The following PCSK5 variants were observed in gnomAD, a reference collection of about 807,000 sequenced individuals.
PCSK5 encodes the protein proprotein convertase subtilisin/kexin type 5, also known as prohormone convertase 5.
A neutral mutation model predicts 233.2 loss-of-function variants in PCSK5; 129 were observed. That is an observed-to-expected ratio of 0.55 (90% CI 0.48 to 0.64). The LOEUF is 0.64. PCSK5 is among the 30% of genes least tolerant of loss of function. The pLI, the probability that PCSK5 is intolerant of heterozygous loss-of-function variation, is 0.00. For missense variants in PCSK5, 2,076 were observed against 2,430.1 expected, an observed-to-expected ratio of 0.85 and a Z score of 3.06; for synonymous variants, 825 against 879.2, an observed-to-expected ratio of 0.94 and a Z score of 1.09.
chr9:76,358,255 C>T (rs1236994665), intron 37 of PCSK5, among the ~76,000 whole-genome samples: 1 of 152,042 alleles, frequency 6.6e-6, no homozygotes, highest in African/African-American at 2.4e-5. Context: ...TCTGTAATCC[C>T]AGCACTCTGG....
At chr9:75,959,670 T>A (rs1825256105) in intron 2 of PCSK5, among the ~76,000 whole-genome samples, 1 of 152,198 alleles carries the variant, frequency 6.6e-6, no homozygotes, top group Admixed American at 6.5e-5. Context: ...GGGCCGACTC[T>A]GTGGCCACGG....
chr9:76,240,631 C>A lies in PCSK5; in HGVS notation c.3089C>A (p.Pro1030Gln). The A allele has an allele frequency of 6.3e-7, 1 of 1,576,638 alleles. No homozygotes were observed. Among genetic ancestry groups the A allele is most frequent in the Non-Finnish European group, 8.6e-7 (1 of 1,159,298 alleles). ...GTCTGTGTAGGTGAAGTCCAAGACCCAGACTATGAAGAATGTGTCCCTTGT... is the reference window on the plus strand; with the variant it reads ...GTCTGTGTAGGTGAAGTCCAAGACCAAGACTATGAAGAATGTGTCCCTTGT... ...LECGQGEVQD[P>Q]DYEECVPCEE... is the part of the protein sequence containing the mutation. The change falls in exon 24 of 38, where the codon CCA (proline) becomes CAA (glutamine). Residue 1030 changes from proline to glutamine, a missense_variant. Physicochemically the swap from Pro to Gln is moderately conservative, Grantham distance 76. Around this residue, in one of 6 missense-constraint regions of PCSK5, gnomAD observed 1,510 missense variants for 1,538.1 expected, o/e 0.98. Coordinates refer to ENST00000674117, the MANE Select transcript of PCSK5 (RefSeq NM_001372043.1).
At chr9:76,247,840 A>G (rs1401565729) in intron 24 of PCSK5, among the ~76,000 whole-genome samples, 1 of 151,592 alleles carries the variant, frequency 6.6e-6, no homozygotes, top group Non-Finnish European at 1.5e-5. Context: ...GCTGGAGTGC[A>G]ACGGCGTGAT....
chr9:76,046,239 G>A (rs1189103804), intron 5 of PCSK5, among the ~76,000 whole-genome samples: 2 of 120,336 alleles, frequency 1.7e-5, no homozygotes, highest in Non-Finnish European at 3.2e-5. Flanking sequence ...ATGCAGTGGT[G>A]CAATCCCGGC....
chr9:75,938,577 T>C (rs1374994319), intron 2 of PCSK5, among the ~76,000 whole-genome samples: 1 of 152,236 alleles, frequency 6.6e-6, no homozygotes, highest in Non-Finnish European at 1.5e-5. Context: ...GATACAGGAT[T>C]GCCACAAATC....
At position 76,107,283 on chromosome 9, in the gene PCSK5, C is replaced by T; in HGVS notation, c.1140C>T (p.Asp380=). ...CAGATCTGAGGCAGCGTTGCACGGA[C>T]AACCACACTGGGACGTCAGCCTCAG... The part of the protein sequence containing the change: ...ITTDLRQRCT[D]NHTGTSASAP... Residue 380 remains aspartate, a synonymous_variant, in exon 9 of 38, where the codon GAC becomes GAT. Transcript: ENST00000674117. 3.7e-6 allele frequency: 6 copies of T among 1,613,874 alleles called. No individual in the cohort carries two copies. Among genetic ancestry groups the T allele is most frequent in the Non-Finnish European group, 5.1e-6 (6 of 1,179,854 alleles).
chr9:76,199,766 A>G (rs1824847120), intron 20 of PCSK5, among the ~76,000 whole-genome samples: 1 of 152,108 alleles, frequency 6.6e-6, no homozygotes, highest in Non-Finnish European at 1.5e-5. Context: ...CTATATGCTG[A>G]TGACTCTTAA....
At chr9:76,010,078 T>C (rs572604884) in intron 3 of PCSK5, among the ~76,000 whole-genome samples, 19 of 152,290 alleles carry the variant, frequency 1.2e-4, no homozygotes, top group African/African-American at 4.6e-4. Context: ...GAAAGCCTTT[T>C]GTGATGTCTT....
At chr9:76,166,187 G>A (rs1823079061) in intron 12 of PCSK5, among the ~76,000 whole-genome samples, 1 of 152,112 alleles carries the variant, frequency 6.6e-6, no homozygotes, top group Non-Finnish European at 1.5e-5. Flanking sequence ...AGCAAAATGT[G>A]ATGGTTGTGT....
chr9:76,064,819 C>G (rs145640854), intron 5 of PCSK5, among the ~76,000 whole-genome samples: 94 of 151,990 alleles, frequency 6.2e-4, no homozygotes, highest in African/African-American at 1.8e-3. Flanking sequence ...GATGGGCGGC[C>G]GGGCAGAGAC....
At chr9:76,188,510 T>C (rs1587735001) in intron 17 of PCSK5, 68 bp from the exon 18 acceptor site, 1 of 954,614 alleles carries the variant, frequency 1.0e-6, no homozygotes, top group Non-Finnish European at 1.7e-6. Context: ...CATATGGAGT[T>C]TGGGGAGTCA....
intron 30 of PCSK5, among the ~76,000 whole-genome samples, chr9:76,319,178 T>C (rs980209776): frequency 1.7e-4 from 26 of 152,000 alleles, no homozygotes; most frequent in African/African-American, 6.0e-4. Context: ...AAGATGTACA[T>C]TGTAGGCCGG....
intron 1 of PCSK5, among the ~76,000 whole-genome samples, chr9:75,930,630 A>G (rs1004507413): frequency 1.3e-5 from 2 of 152,202 alleles, no homozygotes; most frequent in Non-Finnish European, 2.9e-5. Context: ...CCAGATTTGT[A>G]TTTTGAAAGC....
Position 76,308,725 on chromosome 9 carries a change from A to G in PCSK5, c.3685A>G (p.Lys1229Glu), listed in dbSNP as rs772837206. The change falls in exon 29 of 38, where the codon AAA (lysine) becomes GAA (glutamate). Residue 1229 changes from lysine (K) to glutamate (E), a missense_variant. Around this residue, in one of 6 missense-constraint regions of PCSK5, gnomAD observed 1,510 missense variants for 1,538.1 expected, o/e 0.98. Coordinates refer to ENST00000674117, the MANE Select transcript of PCSK5 (RefSeq NM_001372043.1). ...GSATLCTSCP[K>E]GAYLLAQACV... is the part of the protein sequence containing the mutation. Reference sequence around the variant, plus strand: ...TGCAACTCTGTGCACTTCATGTCCCAAAGGTTAGTGTGTTGCGTGACAGAA... The same window carrying G: ...TGCAACTCTGTGCACTTCATGTCCCGAAGGTTAGTGTGTTGCGTGACAGAA... The G allele has an allele frequency of 6.2e-7, 1 of 1,601,302 alleles. No homozygotes were observed. The highest frequency in any genetic ancestry group is 8.5e-7 in the Non-Finnish European group (1 of 1,169,630).
intron 13 of PCSK5, among the ~76,000 whole-genome samples, chr9:76,173,205 T>G (rs1667674388): frequency 6.6e-6 from 1 of 152,176 alleles, no homozygotes; most frequent in African/African-American, 2.4e-5. Context: ...CTTAGACTGG[T>G]GCTTAGCATA....
chr9:76,134,297 T>G, intron 10 of PCSK5, 85 bp downstream of exon 10: 1 of 755,814 alleles, frequency 1.3e-6, no homozygotes, highest in Non-Finnish European at 2.1e-6. Flanking sequence ...ACAGAACCCC[T>G]CAAACGAAAC....
At chr9:76,109,160 C>T (rs966996225) in intron 9 of PCSK5, among the ~76,000 whole-genome samples, 1 of 152,108 alleles carries the variant, frequency 6.6e-6, no homozygotes, top group African/African-American at 2.4e-5. Flanking sequence ...GTTCTGGCAG[C>T]GGAAGTCTCA....
At chr9:75,989,408 G>T (rs908714499) in intron 3 of PCSK5, among the ~76,000 whole-genome samples, 41 of 152,038 alleles carry the variant, frequency 2.7e-4, no homozygotes, top group Non-Finnish European at 4.1e-4. Context: ...GTGGGAAGAT[G>T]GCTTGAGCCT....
intron 21 of PCSK5, among the ~76,000 whole-genome samples, chr9:76,229,564 A>G (rs1251503385): frequency 6.6e-6 from 1 of 152,230 alleles, no homozygotes; most frequent in Non-Finnish European, 1.5e-5. Context: ...ATGCTCAAAC[A>G]TTGTATTTGA....
Sources: allele counts gnomAD v4.1 joint callset (sites outside exome capture counted in the v4.1 genomes callset), GRCh38; gene constraint gnomAD v4.1.1; regional missense constraint gnomAD v4.1.1; transcripts MANE v1.5; gene names NCBI Gene and HGNC (gene_info 2026-07-23, HGNC 2026-07-21).